CNIH3: variants seen among roughly 807,000 people sequenced by gnomAD.
CNIH3 encodes protein cornichon homolog 3.
Under a neutral mutation model 24.1 loss-of-function variants are expected in CNIH3, and 14 were observed. The observed-to-expected ratio is 0.58, with a 90% CI of 0.38 to 0.91. The LOEUF (loss-of-function observed/expected upper bound fraction) is 0.91, where lower values mean the gene tolerates loss of function less well. Among genes scored for constraint, CNIH3 ranks in the 40% least tolerant of loss-of-function variants. The probability of loss-of-function intolerance (pLI) is 0.00; values close to 1 mark genes in which losing one functional copy is unlikely to be tolerated. For missense variants in CNIH3, 178 were observed against 196.8 expected, an observed-to-expected ratio of 0.90 and a Z score of 0.57; for synonymous variants, 68 against 73.8, an observed-to-expected ratio of 0.92 and a Z score of 0.40.
intron 1 of CNIH3, chr1:224,454,302 A>T (rs1442052227): frequency 1.1e-6 from 1 of 903,670 alleles, no homozygotes; most frequent in African/African-American, 1.9e-5. Flanking sequence ...CTGTCCTTCC[A>T]CTCTATCAAC....
At chr1:224,661,289 T>A (rs1336259987) in intron 1 of CNIH3, 1 of 294,818 alleles carries the variant, frequency 3.4e-6, no homozygotes, top group East Asian at 9.5e-5. Context: ...TTTTTAGTAA[T>A]TTTTTTGCCA....
At chr1:224,450,625 C>G (rs1050714392) in intron 1 of CNIH3, among the ~76,000 whole-genome samples, 1 of 152,068 alleles carries the variant, frequency 6.6e-6, no homozygotes, top group Admixed American at 6.6e-5. Flanking sequence ...GAGATAGAAC[C>G]GAAGGGAGAT....
intron 2 of CNIH3, among the ~76,000 whole-genome samples, chr1:224,526,125 G>GT (rs1032257316): frequency 2.6e-5 from 4 of 152,128 alleles, no homozygotes; most frequent in African/African-American, 9.7e-5. Context: ...ACATTTGCTG[G>GT]TTTTTTCTAT....
intron 1 of CNIH3, among the ~76,000 whole-genome samples, chr1:224,455,193 A>AT (rs1675596297): frequency 1.3e-5 from 2 of 152,178 alleles, no homozygotes; most frequent in South Asian, 4.1e-4. Context: ...AAGTAAAAAA[A>AT]CAGAATGGTT....
rs529828277 is a variant in CNIH3 at position 224,605,616 on chromosome 1, C to G, written n.402+39352C>G. The stretch of plus-strand genomic sequence containing the variant: ...AATCTTGCAGATAACAGCACTACTA[C>G]AGAAACTAAGATGGCCTTTTGAGAT... On this transcript the variant is annotated intron_variant and non_coding_transcript_variant, in intron 3 of 7. Transcript: ENST00000478120. Among the ~76,000 whole-genome samples, 4 of 152,318 alleles carry G rather than the reference C, an allele frequency of 2.6e-5. No individual in the cohort carries two copies. In the South Asian group the frequency reaches 8.3e-4, roughly 32 times the overall value.
At chr1:224,535,817 A>C (rs879835322) in intron 2 of CNIH3, among the ~76,000 whole-genome samples, 2 of 152,210 alleles carry the variant, frequency 1.3e-5, no homozygotes, top group Non-Finnish European at 2.9e-5. Context: ...GCAAGGGCCT[A>C]TTCCCAGAGC....
intron 3 of CNIH3, among the ~76,000 whole-genome samples, chr1:224,551,426 C>T (rs1341629833): frequency 6.6e-6 from 1 of 152,000 alleles, no homozygotes; most frequent in African/African-American, 2.4e-5. Context: ...TTTGTAGGAA[C>T]ATGGATGAAG....
At chr1:224,520,016 G>C (rs936241344) in intron 1 of CNIH3, among the ~76,000 whole-genome samples, 1 of 152,150 alleles carries the variant, frequency 6.6e-6, no homozygotes, top group African/African-American at 2.4e-5. Context: ...AGTACCCAGA[G>C]GCCAAGGCTC....
At position 224,458,497 on chromosome 1, in the gene CNIH3, C is replaced by T. The variant is rs147369967; in HGVS notation, n.203+23635C>T. On this transcript the variant is annotated intron_variant and non_coding_transcript_variant, in intron 1 of 5. Transcript: ENST00000471578. The surrounding 1 kb of genome is among the most constrained non-coding windows in gnomAD (Gnocchi z 4.3). Reference sequence around the variant, plus strand: ...AGAGAAGGGCTGGGATTGTGGCCTGCGGTTGGTGGGCAGGAGAGCCTGGTC... The same window carrying T: ...AGAGAAGGGCTGGGATTGTGGCCTGTGGTTGGTGGGCAGGAGAGCCTGGTC... Among the ~76,000 whole-genome samples the T allele has an allele frequency of 3.3e-5, 5 of 152,236 alleles. No homozygotes were observed. Among genetic ancestry groups the T allele is most frequent in the Non-Finnish European group, 4.4e-5 (3 of 68,010 alleles).
intron 1 of CNIH3, among the ~76,000 whole-genome samples, chr1:224,452,653 G>A (rs1258305400): frequency 6.6e-6 from 1 of 151,364 alleles, no homozygotes; most frequent in Non-Finnish European, 1.5e-5. Flanking sequence ...GTGGTGATGG[G>A]CACCTGTAGT....
At chr1:224,592,587 A>C (rs1230206924), downstream of CNIH3, among the ~76,000 whole-genome samples, 1 of 152,184 alleles carries the variant, frequency 6.6e-6, no homozygotes, top group African/African-American at 2.4e-5. Flanking sequence ...CTGACGGGAA[A>C]GCTCAGGACT....
chr1:224,740,345 G>T lies in CNIH3; in HGVS notation c.*989G>T, dbSNP rs1689806680. ...AGTTATGCTGGGGGTTGTAAATAAT[G>T]ACAAGGCTGAGATTTTTATGATGTT... On this transcript the variant is annotated 3_prime_UTR_variant, in exon 6 of 6. Transcript: ENST00000272133. 6.6e-6 allele frequency: 1 copy of T among 152,188 alleles called. No homozygotes were observed. Among genetic ancestry groups the T allele is most frequent in the African/African-American group, 2.4e-5 (1 of 41,442 alleles). 9.4% of individuals were successfully genotyped at this position (152,188 alleles called of 1,614,324 possible). A position where few individuals can be genotyped will look rare whatever the true frequency, so the allele number is the denominator to read the frequency against.
At chr1:224,735,818 A>T (rs1047791609) in intron 5 of CNIH3, among the ~76,000 whole-genome samples, 9 of 144,214 alleles carry the variant, frequency 6.2e-5, no homozygotes, top group African/African-American at 1.5e-4. Context: ...GCCCGGCTAT[A>T]TTTTTTTTTT....
At chr1:224,628,509 A>G (rs865878463) in intron 1 of CNIH3, among the ~76,000 whole-genome samples, 6 of 152,046 alleles carry the variant, frequency 3.9e-5, no homozygotes, top group Non-Finnish European at 7.4e-5. Context: ...ACTTCTAGAC[A>G]CCACATATAA....
chr1:224,531,238 G>A (rs1308954804), intron 2 of CNIH3, among the ~76,000 whole-genome samples: 1 of 152,146 alleles, frequency 6.6e-6, no homozygotes, highest in African/African-American at 2.4e-5. Flanking sequence ...CTAGGCACTG[G>A]GGGTACAGTG....
At chr1:224,471,659 C>T (rs897371263) in intron 1 of CNIH3, among the ~76,000 whole-genome samples, 9 of 150,704 alleles carry the variant, frequency 6.0e-5, no homozygotes, top group African/African-American at 1.5e-4. Flanking sequence ...GGCGTGATCT[C>T]GGCTCACCGC....
At chr1:224,511,923 C>G (rs1678166347), upstream of CNIH3, among the ~76,000 whole-genome samples, 3 of 152,072 alleles carry the variant, frequency 2.0e-5, no homozygotes, top group Admixed American at 2.0e-4. Context: ...TGCCTGTAAT[C>G]CCAGCACTTT....
chr1:224,712,563 C>G (rs974614574), intron 3 of CNIH3, among the ~76,000 whole-genome samples: 1 of 152,126 alleles, frequency 6.6e-6, no homozygotes, highest in African/African-American at 2.4e-5. Context: ...TGAGAGACTC[C>G]TTTGAAGAGG....
Position 224,477,232 on chromosome 1 carries a change from T to C in CNIH3, n.204-38509T>C, listed in dbSNP as rs555454927. Among the ~76,000 whole-genome samples, 543 of 152,364 alleles carry C rather than the reference T, an allele frequency of 3.6e-3. 3 individuals are homozygous for C. The highest frequency in any genetic ancestry group is 0.012 in the African/African-American group (510 of 41,584). Reference sequence around the variant, plus strand: ...GTGGATTCTTTCGGCTTTCTTGGTATGTTCCTATGGTAGTTCTTGGAGCAA... The same window carrying C: ...GTGGATTCTTTCGGCTTTCTTGGTACGTTCCTATGGTAGTTCTTGGAGCAA... On this transcript the variant is annotated intron_variant and non_coding_transcript_variant, in intron 1 of 5. Transcript: ENST00000471578.
Sources: allele counts gnomAD v4.1 joint callset (sites outside exome capture counted in the v4.1 genomes callset), GRCh38; gene constraint gnomAD v4.1.1; non-coding constraint Gnocchi (gnomAD v3.1); transcripts MANE v1.5; gene names NCBI Gene and HGNC (gene_info 2026-07-23, HGNC 2026-07-21).